Variants in SLC25A48 observed in about 807,000 individuals in gnomAD.
The protein encoded by SLC25A48 is solute carrier family 25 member 48.
In SLC25A48, 29 loss-of-function variants were observed where a neutral mutation model predicts 32.2. The ratio of observed to expected loss-of-function variants is 0.90; its 90% CI spans 0.67 to 1.23. The LOEUF (loss-of-function observed/expected upper bound fraction) is 1.23, where lower values mean the gene tolerates loss of function less well. SLC25A48 is among the 50% of genes most tolerant of loss of function. The pLI is 0.00. For synonymous variants in SLC25A48, 164 were observed against 172.3 expected (o/e 0.95, Z 0.38); for missense variants, 399 against 422.7 (o/e 0.94, Z 0.49).
intron 2 of SLC25A48, among the ~76,000 whole-genome samples, chr5:135,849,003 G>A (rs929083057): frequency 1.3e-5 from 2 of 152,126 alleles, no homozygotes; most frequent in Admixed American, 1.3e-4. Flanking sequence ...GTTTTTGAGA[G>A]AATTTATTTC....
At chr5:135,758,179 G>T (rs1227154030) in intron 3 of SLC25A48, among the ~76,000 whole-genome samples, 1 of 150,470 alleles carries the variant, frequency 6.6e-6, no homozygotes, top group African/African-American at 2.4e-5. Context: ...TATAATATTT[G>T]TAATATTTCC....
chr5:135,655,120 G>A (rs981126741), intron 3 of SLC25A48, among the ~76,000 whole-genome samples: 4 of 152,148 alleles, frequency 2.6e-5, no homozygotes, highest in African/African-American at 9.7e-5. Flanking sequence ...GACAAAGCGG[G>A]AAGCGAATCC....
chr5:135,826,983 T>G (rs1376146130), intron 4 of SLC25A48: 1 of 152,348 alleles, frequency 6.6e-6, no homozygotes, highest in South Asian at 2.1e-4. Context: ...ATGGTGACTC[T>G]GCATGTGTCT....
At chr5:135,792,049 A>C (rs972284779) in intron 3 of SLC25A48, among the ~76,000 whole-genome samples, 1 of 151,796 alleles carries the variant, frequency 6.6e-6, no homozygotes, top group Admixed American at 6.6e-5. Context: ...CTATGTTAAC[A>C]TTCGTAATAT....
intron 1 of SLC25A48, among the ~76,000 whole-genome samples, chr5:135,586,327 A>G (rs1751365657): frequency 6.6e-6 from 1 of 152,264 alleles, no homozygotes; most frequent in Non-Finnish European, 1.5e-5. Context: ...GTTCTCAACC[A>G]GCTAGGATTG....
At chr5:135,754,522 T>C (rs1334947806) in intron 3 of SLC25A48, among the ~76,000 whole-genome samples, 2 of 151,922 alleles carry the variant, frequency 1.3e-5, no homozygotes, top group South Asian at 2.1e-4. Flanking sequence ...CTGATATTAA[T>C]AAAGTATCAT....
rs1757154235 is a variant in SLC25A48, at chr5:135,795,779, G to T, written c.-520-16744G>T. Among the ~76,000 whole-genome samples, 3 of 151,218 alleles carry T rather than the reference G, an allele frequency of 2.0e-5. No homozygotes were observed. In the Admixed American group the frequency reaches 2.0e-4, roughly 10 times the overall value. ...GAGTGTGACTGCTCTCCATATCACT[G>T]GTGGTGTAGACTCCCCTGTTACATG... On this transcript the variant is annotated intron_variant, in intron 3 of 10. Coordinates refer to the SLC25A48 transcript ENST00000646290.
At chr5:135,700,479 C>T (rs894308407) in intron 3 of SLC25A48, among the ~76,000 whole-genome samples, 4 of 151,180 alleles carry the variant, frequency 2.6e-5, no homozygotes, top group Middle Eastern at 3.4e-3. Context: ...AAACATCAAA[C>T]GCTATGCTAG....
At chr5:135,719,899 G>T (rs1289715445) in intron 3 of SLC25A48, among the ~76,000 whole-genome samples, 1 of 152,214 alleles carries the variant, frequency 6.6e-6, no homozygotes, top group African/African-American at 2.4e-5. Flanking sequence ...CTTGGTGGGA[G>T]GTCACGGTGC....
intron 1 of SLC25A48, among the ~76,000 whole-genome samples, chr5:135,841,717 T>C (rs1457855094): frequency 1.4e-5 from 2 of 146,106 alleles, no homozygotes; most frequent in East Asian, 4.4e-4. Context: ...GGGTGGGGGG[T>C]ATAAAACAGG....
chr5:135,741,672 T>C (rs77238210), intron 3 of SLC25A48, among the ~76,000 whole-genome samples: 3 of 152,168 alleles, frequency 2.0e-5, no homozygotes, highest in African/African-American at 7.2e-5. Flanking sequence ...GCCGGGGAGA[T>C]AGAGGTTGCA....
chr5:135,834,097 C>T (rs868607057), upstream of SLC25A48, among the ~76,000 whole-genome samples: 3 of 152,222 alleles, frequency 2.0e-5, no homozygotes, highest in African/African-American at 4.8e-5. Flanking sequence ...CAGGCCACTT[C>T]TCCAGTGAGC....
chr5:135,621,612 G>A (rs1752326630), intron 1 of SLC25A48, among the ~76,000 whole-genome samples: 1 of 152,126 alleles, frequency 6.6e-6, no homozygotes, highest in African/African-American at 2.4e-5. Flanking sequence ...ATATAGGAAT[G>A]TAGTTTATTA....
intron 3 of SLC25A48, among the ~76,000 whole-genome samples, chr5:135,765,076 A>T (rs1328403708): frequency 6.6e-6 from 1 of 151,474 alleles, no homozygotes; most frequent in African/African-American, 2.4e-5. Flanking sequence ...AGGGGGAGAA[A>T]GGGTGATATT....
At chr5:135,778,051 C>T (rs1025983172) in intron 3 of SLC25A48, among the ~76,000 whole-genome samples, 1 of 150,840 alleles carries the variant, frequency 6.6e-6, no homozygotes, top group Non-Finnish European at 1.5e-5. Flanking sequence ...CTCAATATTG[C>T]AGGAGTTGTA....
chr5:135,733,725 C>T (rs941188597), intron 3 of SLC25A48, among the ~76,000 whole-genome samples: 3 of 152,190 alleles, frequency 2.0e-5, no homozygotes, highest in Non-Finnish European at 4.4e-5. Flanking sequence ...CCCTGCACTT[C>T]GGCTGTGTGT....
chr5:135,884,100 A>G (rs1048311709), intron 7 of SLC25A48, among the ~76,000 whole-genome samples: 21 of 152,188 alleles, frequency 1.4e-4, no homozygotes, highest in Admixed American at 1.2e-3. Context: ...CCTGGCTTAA[A>G]TCCCAGTGAA....
intron 3 of SLC25A48, among the ~76,000 whole-genome samples, chr5:135,747,358 T>A (rs552325045): frequency 2.0e-5 from 3 of 152,086 alleles, no homozygotes; most frequent in South Asian, 2.1e-4. Flanking sequence ...GATTTTTTTT[T>A]AATTTGTCTT....
At chr5:135,709,301 G>A (rs1400817672) in intron 3 of SLC25A48, among the ~76,000 whole-genome samples, 1 of 152,214 alleles carries the variant, frequency 6.6e-6, no homozygotes, top group Non-Finnish European at 1.5e-5. Flanking sequence ...GGGCTCTTGG[G>A]CCAATTCCTC....
Sources: gnomAD v4.1 joint callset for allele counts (sites outside exome capture counted in the v4.1 genomes callset) on GRCh38, gnomAD v4.1.1 for gene constraint, MANE v1.5 for transcripts, NCBI Gene and HGNC (gene_info 2026-07-23, HGNC 2026-07-21) for gene names.